The following SYNPR variants were observed in gnomAD, a reference collection of about 807,000 sequenced individuals.
SYNPR encodes synaptoporin.
Under a neutral mutation model 32.9 loss-of-function variants are expected in SYNPR, and 23 were observed. The observed-to-expected ratio is 0.70, with a 90% confidence interval of 0.50 to 0.99. The LOEUF is 0.99. Ranked by LOEUF, SYNPR falls within the 50% of genes least tolerant of loss-of-function variation. The probability of loss-of-function intolerance (pLI) is 0.00; values close to 1 mark genes in which losing one functional copy is unlikely to be tolerated. For missense variants in SYNPR, 318 were observed against 349.3 expected (o/e 0.91, Z 0.71); for synonymous variants, 146 against 135.9 (o/e 1.07, Z -0.52).
intron 2 of SYNPR, among the ~76,000 whole-genome samples, chr3:63,278,981 G>A (rs2086602868): frequency 6.6e-6 from 1 of 152,114 alleles, no homozygotes; most frequent in African/African-American, 2.4e-5. Context: ...GACAAGTGTC[G>A]TCTCACCTCA....
intron 2 of SYNPR, among the ~76,000 whole-genome samples, chr3:63,375,267 C>A (rs539711104): frequency 1.3e-5 from 2 of 152,100 alleles, no homozygotes; most frequent in Non-Finnish European, 2.9e-5. Flanking sequence ...AAGACACATG[C>A]ACACGTATGT....
At chr3:63,507,077 G>T (rs908985757) in intron 3 of SYNPR, among the ~76,000 whole-genome samples, 1 of 151,930 alleles carries the variant, frequency 6.6e-6, no homozygotes, top group African/African-American at 2.4e-5. Flanking sequence ...AACCTGGGAG[G>T]CGGAGATTGC....
rs1019690462 is a variant in SYNPR, at chr3:63,615,690, A to C, written c.*209A>C. 10 of 590,268 alleles carry C rather than the reference A, an allele frequency of 1.7e-5. No homozygotes were observed. In the African/African-American group the frequency reaches 1.9e-4, roughly 11 times the overall value. The allele number at this position is 590,268 out of a possible 1,614,324, so 36.6% of individuals were successfully genotyped here. A position where few individuals can be genotyped will look rare whatever the true frequency, so the allele number is the denominator to read the frequency against. On this transcript the variant is annotated 3_prime_UTR_variant, in exon 6 of 6. Coordinates refer to ENST00000478300, the MANE Select transcript of SYNPR (RefSeq NM_001130003.2). ...CATGAGGAGATATATTATTCATCAT[A>C]GATGGCTAATTGGAGAGTACCTTGT...
chr3:63,478,345 C>T (rs956303188), intron 2 of SYNPR, among the ~76,000 whole-genome samples: 3 of 152,072 alleles, frequency 2.0e-5, no homozygotes, highest in African/African-American at 7.2e-5. Flanking sequence ...GTTTTTATAT[C>T]CTTCAATTCC....
intron 2 of SYNPR, among the ~76,000 whole-genome samples, chr3:63,461,417 G>A (rs1700583049): frequency 6.6e-6 from 1 of 152,122 alleles, no homozygotes; most frequent in African/African-American, 2.4e-5. Context: ...TCAAGCAGCA[G>A]CTGCCTCCTT....
chr3:63,610,432 A>C (rs1362389851), intron 5 of SYNPR: 2 of 680,204 alleles, frequency 2.9e-6, no homozygotes, highest in South Asian at 3.1e-5. Context: ...CACATCCTAG[A>C]AATAATTATC....
intron 2 of SYNPR, among the ~76,000 whole-genome samples, chr3:63,355,073 G>A (rs1334266817): frequency 6.6e-6 from 1 of 152,150 alleles, no homozygotes; most frequent in Non-Finnish European, 1.5e-5. Flanking sequence ...GATGTCAGGA[G>A]TTCAAAACCA....
chr3:63,348,541 C>A (rs1004012194), intron 2 of SYNPR, among the ~76,000 whole-genome samples: 1 of 152,018 alleles, frequency 6.6e-6, no homozygotes, highest in African/African-American at 2.4e-5. Context: ...TTAATTAAGT[C>A]CCCTTTATTT....
At chr3:63,348,427 T>C (rs769504773) in intron 2 of SYNPR, among the ~76,000 whole-genome samples, 1 of 152,220 alleles carries the variant, frequency 6.6e-6, no homozygotes, top group Admixed American at 6.5e-5. Context: ...ATTCTGGATA[T>C]CAGTTACCTG....
At chr3:63,392,709 A>G (rs944480060) in intron 2 of SYNPR, among the ~76,000 whole-genome samples, 3 of 152,216 alleles carry the variant, frequency 2.0e-5, no homozygotes, top group African/African-American at 7.2e-5. Flanking sequence ...GAAGGTGGTA[A>G]TGAGCTAGGC....
At chr3:63,552,158 A>T (rs889963888) in intron 3 of SYNPR, among the ~76,000 whole-genome samples, 1 of 152,100 alleles carries the variant, frequency 6.6e-6, no homozygotes, top group Non-Finnish European at 1.5e-5. Context: ...TCGGCCTCCC[A>T]AAGTGCTGTG....
intron 2 of SYNPR, among the ~76,000 whole-genome samples, chr3:63,375,550 A>T (rs1057164632): frequency 5.3e-5 from 8 of 152,102 alleles, no homozygotes; most frequent in African/African-American, 1.9e-4. Flanking sequence ...GGCAAGGAAC[A>T]TCACACACTG....
intron 2 of SYNPR, among the ~76,000 whole-genome samples, chr3:63,352,634 C>A (rs745851936): frequency 6.6e-6 from 1 of 152,118 alleles, no homozygotes; most frequent in Non-Finnish European, 1.5e-5. Flanking sequence ...AATGGAGAAT[C>A]CTTTATGTAT....
chr3:63,338,587 C>T (rs1224782610), intron 2 of SYNPR, among the ~76,000 whole-genome samples: 1 of 152,144 alleles, frequency 6.6e-6, no homozygotes, highest in East Asian at 1.9e-4. Flanking sequence ...CAATAGAGAA[C>T]TGTGGACCAG....
At chr3:63,276,307 G>C (rs1200967145), upstream of SYNPR, among the ~76,000 whole-genome samples, 1 of 152,168 alleles carries the variant, frequency 6.6e-6, no homozygotes. Context: ...GAGGTGCACT[G>C]TTGAGGGCAG....
chr3:63,554,984 G>GA (rs1316209674), intron 3 of SYNPR, among the ~76,000 whole-genome samples: 2 of 152,048 alleles, frequency 1.3e-5, no homozygotes, highest in African/African-American at 4.8e-5. Context: ...TATGGTAAAT[G>GA]AGATTGTGCT....
chr3:63,554,001 C>T (rs1296423600), intron 3 of SYNPR, among the ~76,000 whole-genome samples: 2 of 152,174 alleles, frequency 1.3e-5, no homozygotes, highest in African/African-American at 2.4e-5. Flanking sequence ...GGATTACAGG[C>T]GTGAGCCACC....
At chr3:63,236,915 G>A (rs1217581583) in intron 1 of SYNPR, among the ~76,000 whole-genome samples, 1 of 152,068 alleles carries the variant, frequency 6.6e-6, no homozygotes, top group Non-Finnish European at 1.5e-5. Context: ...AGAGTGGTGA[G>A]AGTGGACATT....
At chr3:63,244,686 C>T (rs960565220) in intron 1 of SYNPR, among the ~76,000 whole-genome samples, 22 of 152,110 alleles carry the variant, frequency 1.4e-4, no homozygotes, top group Non-Finnish European at 2.9e-4. Context: ...GTTCCACAAG[C>T]TCTGCAAGAT....
Sources: allele counts gnomAD v4.1 joint callset (sites outside exome capture counted in the v4.1 genomes callset), GRCh38; gene constraint gnomAD v4.1.1; transcripts MANE v1.5; gene names NCBI Gene and HGNC (gene_info 2026-07-23, HGNC 2026-07-21).